FNIP2: variants seen among roughly 807,000 people sequenced by gnomAD.
The protein encoded by FNIP2 is folliculin-interacting protein 2.
In FNIP2, 32 loss-of-function variants were observed where a neutral mutation model predicts 108.7. The observed-to-expected ratio is 0.29, with a 90% CI of 0.22 to 0.40. The LOEUF is 0.40. Among genes scored for constraint, FNIP2 ranks in the 10% least tolerant of loss-of-function variants. The pLI is 1.00. For missense variants in FNIP2, 1,202 were observed against 1,381.6 expected, an observed-to-expected ratio of 0.87 and a Z score of 2.06; for synonymous variants, 480 against 496.7, an observed-to-expected ratio of 0.97 and a Z score of 0.45.
At chr4:158,815,033 C>G (rs909028363) in intron 1 of FNIP2, among the ~76,000 whole-genome samples, 1 of 152,202 alleles carries the variant, frequency 6.6e-6, no homozygotes, top group African/African-American at 2.4e-5. Flanking sequence ...ATTCAAAAGG[C>G]ACAAAATTGT....
At chr4:158,822,977 T>C (rs1777966764) in intron 1 of FNIP2, among the ~76,000 whole-genome samples, 1 of 152,174 alleles carries the variant, frequency 6.6e-6, no homozygotes, top group South Asian at 2.1e-4. Context: ...CATTGAAAAA[T>C]AACATGAAAC....
chr4:158,852,626 C>T (rs996430235), intron 8 of FNIP2, among the ~76,000 whole-genome samples: 3 of 152,146 alleles, frequency 2.0e-5, no homozygotes, highest in African/African-American at 7.2e-5. Context: ...AAATCAAGTC[C>T]GGTGTTTAGC....
At chr4:158,808,530 C>G (rs1206004558) in intron 1 of FNIP2, 2 of 152,134 alleles carry the variant, frequency 1.3e-5, no homozygotes, top group African/African-American at 4.8e-5. Flanking sequence ...TCTGCTTTCT[C>G]TTCTCCTTTC....
Position 158,833,545 on chromosome 4 carries a change from A to G in FNIP2, c.572A>G (p.Glu191Gly), listed in dbSNP as rs1778597278. The change falls in exon 6 of 17, where the codon GAG becomes GGG. Residue 191 changes from glutamate (E) to glycine (G), a missense_variant. Physicochemically the swap from Glu to Gly is moderately conservative, Grantham distance 98 (BLOSUM62 -2). Transcript: ENST00000264433. Reference protein sequence around the residue: ...GSTNNLQDSFEYINQDPNLGK... With the variant: ...GSTNNLQDSFGYINQDPNLGK... ...GGATATAGCTTGCAAGACAGCTTTG[A>G]GTACATCAACCAAGATCCTAATTTG... 10 of 1,604,656 alleles carry G rather than the reference A, an allele frequency of 6.2e-6. No individual in the cohort carries two copies. Among genetic ancestry groups the G allele is most frequent in the African/African-American group, 1.3e-5 (1 of 74,280 alleles).
In FNIP2 at chr4:158,833,568, T is replaced by C; in HGVS notation, c.595T>C (p.Leu199=). 6.2e-7 allele frequency: 1 copy of C among 1,609,542 alleles called. No individual in the cohort carries two copies. The highest frequency in any genetic ancestry group is 8.5e-7 in the Non-Finnish European group (1 of 1,178,732). The change falls in exon 6 of 17, where the codon TTG becomes CTG. Residue 199 remains leucine, a synonymous_variant. Coordinates refer to ENST00000264433, the MANE Select transcript of FNIP2 (RefSeq NM_020840.3). ...SFEYINQDPN[L]GKLNTNQNSL... Reference sequence around the variant, plus strand: ...TGAGTACATCAACCAAGATCCTAATTTGGGAAAACTGAACACAAATCAAAA... The same window carrying C: ...TGAGTACATCAACCAAGATCCTAATCTGGGAAAACTGAACACAAATCAAAA...
chr4:158,880,805 G>A (rs923768433), intron 14 of FNIP2, among the ~76,000 whole-genome samples: 14 of 152,132 alleles, frequency 9.2e-5, no homozygotes, highest in African/African-American at 2.4e-4. Context: ...GGCCAAGGAC[G>A]ACCTTGTATG....
intron 16 of FNIP2, among the ~76,000 whole-genome samples, chr4:158,903,518 C>T (rs1001984549): frequency 6.6e-6 from 1 of 152,282 alleles, no homozygotes; most frequent in South Asian, 2.1e-4. Flanking sequence ...TGCATCAACA[C>T]GTGTAATCAT....
chr4:158,901,128 A>ATT (rs140017298), intron 16 of FNIP2, among the ~76,000 whole-genome samples: 37,688 of 111,990 alleles, frequency 0.34, 7,305 homozygotes, highest in African/African-American at 0.5. Flanking sequence ...CTGGGTTGAA[A>ATT]TTTTTTTTTT....
At chr4:158,782,529 T>G (rs1053317497) in intron 1 of FNIP2, among the ~76,000 whole-genome samples, 1 of 151,372 alleles carries the variant, frequency 6.6e-6, no homozygotes, top group Non-Finnish European at 1.5e-5. Flanking sequence ...TTTTGTTTTT[T>G]TTTTTTCCTC....
At chr4:158,786,303 A>G (rs2126439321) in intron 1 of FNIP2, among the ~76,000 whole-genome samples, 1 of 152,340 alleles carries the variant, frequency 6.6e-6, no homozygotes, top group South Asian at 2.1e-4. Flanking sequence ...TTCTGTGTCC[A>G]AGATAAATAT....
chr4:158,873,446 A>G (rs191873113), intron 14 of FNIP2, among the ~76,000 whole-genome samples: 153 of 152,180 alleles, frequency 1.0e-3, no homozygotes, highest in African/African-American at 3.4e-3. Flanking sequence ...AACTGGGCTC[A>G]TGTGATCCTG....
At chr4:158,801,182 G>A (rs955452637) in intron 1 of FNIP2, among the ~76,000 whole-genome samples, 10 of 152,128 alleles carry the variant, frequency 6.6e-5, no homozygotes, top group East Asian at 1.9e-4. Flanking sequence ...GGAGGGCAGA[G>A]CAGAATCCTG....
rs1325181992 is a variant in FNIP2, at chr4:158,868,721, A to G, written c.2085A>G (p.Pro695=). 1 of 1,614,034 alleles carries G rather than the reference A, an allele frequency of 6.2e-7. No homozygotes were observed. Among genetic ancestry groups the G allele is most frequent in the Non-Finnish European group, 8.5e-7 (1 of 1,179,902 alleles). Residue 695 remains proline, a synonymous_variant, in exon 13 of 17, where the codon CCA becomes CCG. Transcript: ENST00000264433. The surrounding 1 kb of genome is among the most constrained non-coding windows in gnomAD (Gnocchi z 4.6). The stretch of plus-strand genomic sequence containing the variant: ...AAGTGGAGATGCCTACAAGACTGCC[A>G]GACCGGTCAGTGGCCTGGCCTTGCC... The part of the protein sequence containing the change: ...LLKVEMPTRL[P]DRSVAWPCPD...
At chr4:158,790,795 G>A (rs1043976450) in intron 1 of FNIP2, among the ~76,000 whole-genome samples, 1 of 151,718 alleles carries the variant, frequency 6.6e-6, no homozygotes, top group African/African-American at 2.4e-5. Flanking sequence ...ATCAGTAAAG[G>A]TTAGATGACT....
At chr4:158,786,067 C>T (rs977368293) in intron 1 of FNIP2, among the ~76,000 whole-genome samples, 5 of 152,202 alleles carry the variant, frequency 3.3e-5, no homozygotes, top group African/African-American at 1.2e-4. Context: ...TTCCTAGAAC[C>T]TTGAAAGATC....
intron 5 of FNIP2, 111 bp downstream of exon 5, chr4:158,832,249 C>A: frequency 1.2e-6 from 1 of 811,110 alleles, no homozygotes; most frequent in Non-Finnish European, 1.9e-6. Context: ...CAGAATGAGT[C>A]CAAATTAACA....
intron 14 of FNIP2, among the ~76,000 whole-genome samples, chr4:158,884,941 G>A (rs1163108266): frequency 3.4e-5 from 5 of 147,900 alleles, no homozygotes; most frequent in East Asian, 2.0e-4. Flanking sequence ...AGGAGTTTGC[G>A]ACCAGCCTGG....
intron 12 of FNIP2, among the ~76,000 whole-genome samples, chr4:158,867,504 C>T (rs998515446): frequency 6.6e-6 from 1 of 152,180 alleles, no homozygotes; most frequent in South Asian, 2.1e-4. Context: ...GTTGAATTTT[C>T]AAGCGAAATG....
chr4:158,833,560 A>G lies in FNIP2; in HGVS notation c.587A>G (p.Asp196Gly), dbSNP rs1394966715. The change falls in exon 6 of 17, where the codon GAT becomes GGT. Residue 196 changes from aspartate (D) to glycine (G), a missense_variant. Physicochemically the swap from Asp to Gly is moderately conservative, Grantham distance 94 (BLOSUM62 -1). This residue lies in a region of FNIP2 where 878 missense variants were observed against 990.3 expected (regional missense o/e 0.89). Coordinates refer to ENST00000264433, the MANE Select transcript of FNIP2 (RefSeq NM_020840.3). ...LQDSFEYINQ[D>G]PNLGKLNTNQ... is the part of the protein sequence containing the mutation. ...GACAGCTTTGAGTACATCAACCAAGATCCTAATTTGGGAAAACTGAACACA... is the reference window on the plus strand; with the variant it reads ...GACAGCTTTGAGTACATCAACCAAGGTCCTAATTTGGGAAAACTGAACACA... 2 of 1,609,434 alleles carry G rather than the reference A, an allele frequency of 1.2e-6. No homozygotes were observed. Among genetic ancestry groups the G allele is most frequent in the East Asian group, 4.5e-5 (2 of 44,858 alleles).
Sources: gnomAD v4.1 joint callset for allele counts (sites outside exome capture counted in the v4.1 genomes callset) on GRCh38, gnomAD v4.1.1 for gene constraint, gnomAD v4.1.1 regional missense constraint, Gnocchi (gnomAD v3.1) non-coding constraint, MANE v1.5 for transcripts, NCBI Gene and HGNC (gene_info 2026-07-23, HGNC 2026-07-21) for gene names.